The following AFG1L variants were observed in gnomAD, a reference collection of about 807,000 sequenced individuals.
The protein encoded by AFG1L is AFG1-like ATPase.
A neutral mutation model predicts 62.2 loss-of-function variants in AFG1L; 53 were observed. The observed-to-expected ratio is 0.85, with a 90% confidence interval of 0.68 to 1.07. The LOEUF (loss-of-function observed/expected upper bound fraction) is 1.07. Ranked by LOEUF, AFG1L falls within the 50% of genes least tolerant of loss-of-function variation. The pLI is 0.00. For missense variants in AFG1L, 555 were observed against 590.5 expected (o/e 0.94, Z 0.62); for synonymous variants, 228 against 210.3 (o/e 1.08, Z -0.73).
At chr6:108,394,098 CT>C (rs1231303081) in intron 6 of AFG1L, among the ~76,000 whole-genome samples, 17 of 144,522 alleles carry the variant, frequency 1.2e-4, no homozygotes, top group Non-Finnish European at 2.3e-4. Context: ...CTCTTTCTCT[CT>C]TTTCTTTCCT....
intron 2 of AFG1L, among the ~76,000 whole-genome samples, chr6:108,325,171 G>A (rs1777989550): frequency 6.6e-6 from 1 of 152,106 alleles, no homozygotes. Flanking sequence ...CCTTTCTCCT[G>A]GGGACTTATA....
At chr6:108,471,468 C>CTTTTTTTTTT (rs56375345) in intron 8 of AFG1L, among the ~76,000 whole-genome samples, 4 of 100,352 alleles carry the variant, frequency 4.0e-5, no homozygotes, top group African/African-American at 7.4e-5. Flanking sequence ...TGTTCTTCTT[C>CTTTTTTTTTT]TTTTTTTTTT....
intron 6 of AFG1L, among the ~76,000 whole-genome samples, chr6:108,385,148 T>C (rs899616272): frequency 1.3e-5 from 2 of 152,134 alleles, no homozygotes; most frequent in African/African-American, 2.4e-5. Flanking sequence ...AAAGAGCAAA[T>C]CTAGAAAGCA....
intron 2 of AFG1L, among the ~76,000 whole-genome samples, chr6:108,340,064 G>A (rs1778623907): frequency 6.7e-6 from 1 of 149,778 alleles, no homozygotes; most frequent in Admixed American, 6.7e-5. Context: ...ACCCTTCCCA[G>A]TCTCTGGTAA....
At chr6:108,372,291 T>G (rs1322735609) in intron 6 of AFG1L, among the ~76,000 whole-genome samples, 2 of 151,994 alleles carry the variant, frequency 1.3e-5, no homozygotes, top group Non-Finnish European at 2.9e-5. Flanking sequence ...AATAGTTTTA[T>G]ATTTTAGCTA....
intron 8 of AFG1L, 84 bp from the exon 9 acceptor site, chr6:108,476,781 A>T: frequency 1.1e-6 from 1 of 938,552 alleles, no homozygotes; most frequent in South Asian, 1.4e-5. Context: ...TTTTATGGGC[A>T]AAAAGCTAAG....
chr6:108,366,215 A>G lies in AFG1L; in HGVS notation c.649-18A>G, dbSNP rs752297799. Reference sequence around the variant, plus strand: ...CAGAAGTGAAATTAAAATAAAACAAATGTGTTGTTGTCAATAGGTCACTGA... The same window carrying G: ...CAGAAGTGAAATTAAAATAAAACAAGTGTGTTGTTGTCAATAGGTCACTGA... On this transcript the variant is annotated intron_variant, in intron 5 of 12. Transcript: ENST00000368977. The G allele has an allele frequency of 6.7e-7, 1 of 1,483,942 alleles. No individual in the cohort carries two copies. Among genetic ancestry groups the G allele is most frequent in the East Asian group, 2.3e-5 (1 of 43,674 alleles). The allele number at this position is 1,483,942 out of a possible 1,614,324, so 91.9% of individuals were successfully genotyped here.
intron 1 of AFG1L, among the ~76,000 whole-genome samples, chr6:108,297,476 G>A (rs940220797): frequency 6.6e-6 from 1 of 152,072 alleles, no homozygotes; most frequent in Non-Finnish European, 1.5e-5. Context: ...TTTACAAATC[G>A]ATTTTCTATC....
At chr6:108,460,711 A>G (rs915620506) in intron 8 of AFG1L, among the ~76,000 whole-genome samples, 6 of 152,160 alleles carry the variant, frequency 3.9e-5, no homozygotes, top group Non-Finnish European at 7.3e-5. Context: ...TAATCCCAGC[A>G]CTTTGGGAGG....
intron 6 of AFG1L, among the ~76,000 whole-genome samples, chr6:108,376,590 G>A (rs1400856730): frequency 2.0e-5 from 3 of 151,916 alleles, no homozygotes; most frequent in Non-Finnish European, 2.9e-5. Flanking sequence ...GATCTTCTTG[G>A]TATTGATTTC....
At chr6:108,400,670 T>G (rs1351303388) in intron 6 of AFG1L, among the ~76,000 whole-genome samples, 1 of 104,116 alleles carries the variant, frequency 9.6e-6, no homozygotes, top group African/African-American at 3.8e-5. Context: ...ATATAATTTA[T>G]ATATTATATA....
In AFG1L at chr6:108,510,249, A is replaced by C; in HGVS notation, c.1100A>C (p.Asn367Thr). ...GASDYLELSKNFDTIFLRNIP... is the reference protein window; with the variant it reads ...GASDYLELSKTFDTIFLRNIP... ...AGTGACTATTTGGAACTATCAAAGA[A>C]TTTTGATACAATATTTTTACGAAAC... Residue 367 changes from asparagine (N) to threonine (T), a missense_variant, in exon 11 of 13, where the codon AAT (asparagine) becomes ACT (threonine). Transcript: ENST00000368977. 6.2e-7 allele frequency: 1 copy of C among 1,611,144 alleles called. No individual in the cohort carries two copies.
chr6:108,342,282 G>A (rs1293002163), intron 2 of AFG1L, among the ~76,000 whole-genome samples: 3 of 152,216 alleles, frequency 2.0e-5, no homozygotes, highest in Non-Finnish European at 2.9e-5. Flanking sequence ...AGACAGGACG[G>A]AGAAGGCATC....
In AFG1L at chr6:108,510,359, A is replaced by G. The variant is rs755920879; in HGVS notation, c.1203+7A>G. On this transcript the variant is annotated splice_region_variant and intron_variant, in intron 11 of 12. Transcript: ENST00000368977. ...TAACTTTTATGATCTCAAGGTAAGG[A>G]TGTAGTACATTTTCTTAAAACTAAA... is the stretch of plus-strand genomic sequence containing the variant. The G allele has an allele frequency of 6.3e-7, 1 of 1,594,930 alleles. No individual in the cohort carries two copies. The highest frequency in any genetic ancestry group is 1.1e-5 in the South Asian group (1 of 87,268).
intron 7 of AFG1L, among the ~76,000 whole-genome samples, chr6:108,444,849 T>C (rs1419615425): frequency 6.6e-6 from 1 of 152,246 alleles, no homozygotes; most frequent in Non-Finnish European, 1.5e-5. Flanking sequence ...ATTTTCAGAT[T>C]GGTAAATGAA....
At chr6:108,305,533 G>A (rs927546832) in intron 1 of AFG1L, among the ~76,000 whole-genome samples, 1 of 152,118 alleles carries the variant, frequency 6.6e-6, no homozygotes, top group Non-Finnish European at 1.5e-5. Context: ...ACAGGCACAA[G>A]CCCCACCAGT....
intron 2 of AFG1L, among the ~76,000 whole-genome samples, chr6:108,333,138 G>A (rs1368465827): frequency 2.0e-5 from 3 of 152,180 alleles, no homozygotes; most frequent in South Asian, 4.2e-4. Context: ...GGCTGGGTGC[G>A]GTGGCTCACG....
chr6:108,506,600 T>C (rs1774429637), intron 10 of AFG1L, among the ~76,000 whole-genome samples: 1 of 152,008 alleles, frequency 6.6e-6, no homozygotes, highest in African/African-American at 2.4e-5. Flanking sequence ...CTCCAACTCC[T>C]GAGCTCGAGT....
intron 2 of AFG1L, among the ~76,000 whole-genome samples, chr6:108,335,701 G>A (rs2355604): frequency 1.5e-3 from 223 of 152,320 alleles, no homozygotes; most frequent in African/African-American, 5.2e-3. Flanking sequence ...ACCAGACCTA[G>A]CAGAGCTTCA....
Sources: allele counts gnomAD v4.1 joint callset (sites outside exome capture counted in the v4.1 genomes callset), GRCh38; gene constraint gnomAD v4.1.1; transcripts MANE v1.5; gene names NCBI Gene and HGNC (gene_info 2026-07-23, HGNC 2026-07-21).